JPH1: variants seen among roughly 807,000 people sequenced by gnomAD.
JPH1 encodes junctophilin 1.
In JPH1, 12 loss-of-function variants were observed where a neutral mutation model predicts 53.6. That is an observed-to-expected ratio of 0.22 (90% confidence interval 0.14 to 0.36). The LOEUF (loss-of-function observed/expected upper bound fraction) is 0.36, where lower values mean the gene tolerates loss of function less well. Ranked by LOEUF, JPH1 falls within the 10% of genes least tolerant of loss-of-function variation. JPH1 has a pLI of 1.00. For missense variants in JPH1, 808 were observed against 905.5 expected (o/e 0.89, Z 1.38); for synonymous variants, 375 against 363.8 (o/e 1.03, Z -0.35).
At chr8:74,257,060 G>A (rs16938838) in intron 3 of JPH1, among the ~76,000 whole-genome samples, 1,936 of 152,294 alleles carry the variant, frequency 0.013, 42 homozygotes, top group African/African-American at 0.044. Flanking sequence ...GCAAAGTGGA[G>A]AGCATGAGTT....
rs146685240 is a variant in JPH1 at position 74,286,168 on chromosome 8, C to T, written c.1140-26665G>A. On this transcript the variant is annotated intron_variant, in intron 2 of 5. Coordinates refer to ENST00000342232, the MANE Select transcript of JPH1 (RefSeq NM_020647.4). ...TATCCTACTCGGTCACCATAAACTCCCATTTCTCTTGACTGTCACCTTACA... is the reference window on the plus strand; with the variant it reads ...TATCCTACTCGGTCACCATAAACTCTCATTTCTCTTGACTGTCACCTTACA... Among the ~76,000 whole-genome samples, 88 of 152,312 alleles carry T rather than the reference C, an allele frequency of 5.8e-4. No homozygotes were observed. In the East Asian group the frequency reaches 0.015, roughly 25 times the overall value.
chr8:74,302,570 A>G (rs1807713543), intron 2 of JPH1, among the ~76,000 whole-genome samples: 1 of 152,176 alleles, frequency 6.6e-6, no homozygotes, highest in Non-Finnish European at 1.5e-5. Flanking sequence ...CATGCCTGCT[A>G]TGGAACTTGA....
At position 74,299,281 on chromosome 8, in the gene JPH1, T is replaced by C. The variant is rs532276400; in HGVS notation, c.1139+15580A>G. On this transcript the variant is annotated intron_variant, in intron 2 of 5. Transcript: ENST00000342232. The stretch of plus-strand genomic sequence containing the variant: ...CCTCGTCTTTCTAATATTTCTCCCT[T>C]TTTCTCATTATTCAGTATTTCTTTA... Among the ~76,000 whole-genome samples the C allele has an allele frequency of 9.8e-5, 15 of 152,302 alleles. No homozygotes were observed. In the South Asian group the frequency reaches 3.1e-3, roughly 32 times the overall value.
At chr8:74,309,775 A>C (rs1807936734) in intron 2 of JPH1, among the ~76,000 whole-genome samples, 1 of 152,216 alleles carries the variant, frequency 6.6e-6, no homozygotes, top group African/African-American at 2.4e-5. Context: ...AATAGAATGC[A>C]AACAACAGGA....
intron 4 of JPH1, among the ~76,000 whole-genome samples, chr8:74,242,468 G>A (rs961957669): frequency 1.3e-5 from 2 of 152,170 alleles, no homozygotes; most frequent in Non-Finnish European, 2.9e-5. Flanking sequence ...GATGTGAACC[G>A]AGGAAGTTCA....
At chr8:74,246,823 G>C (rs188021463) in intron 3 of JPH1, among the ~76,000 whole-genome samples, 1 of 152,278 alleles carries the variant, frequency 6.6e-6, no homozygotes, top group East Asian at 1.9e-4. Flanking sequence ...ATGGACAATT[G>C]AGACTTCCTT....
intron 2 of JPH1, among the ~76,000 whole-genome samples, chr8:74,265,826 G>C (rs1806515626): frequency 6.6e-6 from 1 of 151,860 alleles, no homozygotes. Flanking sequence ...AAACATTTCT[G>C]CAAAGAGACA....
At chr8:74,264,734 T>C (rs1158793980) in intron 2 of JPH1, among the ~76,000 whole-genome samples, 1 of 152,208 alleles carries the variant, frequency 6.6e-6, no homozygotes, top group African/African-American at 2.4e-5. Flanking sequence ...ATTATACAAA[T>C]GCATCCACAG....
chr8:74,303,797 T>C (rs1267941209), intron 2 of JPH1, among the ~76,000 whole-genome samples: 1 of 152,076 alleles, frequency 6.6e-6, no homozygotes, highest in African/African-American at 2.4e-5. Context: ...ACTGTCCCCA[T>C]TCCCTATACC....
intron 3 of JPH1, among the ~76,000 whole-genome samples, chr8:74,252,137 G>A (rs916976541): frequency 2.0e-5 from 3 of 152,116 alleles, no homozygotes; most frequent in Non-Finnish European, 2.9e-5. Flanking sequence ...AGCTGAAACT[G>A]GACCCCTTCC....
chr8:74,319,767 A>C (rs147990464), intron 1 of JPH1, among the ~76,000 whole-genome samples: 14 of 152,330 alleles, frequency 9.2e-5, no homozygotes, highest in African/African-American at 3.4e-4. Context: ...GCTTAATTCC[A>C]AAAAGTGATG....
intron 2 of JPH1, among the ~76,000 whole-genome samples, chr8:74,300,868 G>A (rs145589704): frequency 2.1e-3 from 314 of 152,262 alleles, no homozygotes; most frequent in African/African-American, 7.1e-3. Flanking sequence ...ATAAGAAAGA[G>A]AGACCCAGAA....
intron 2 of JPH1, among the ~76,000 whole-genome samples, chr8:74,280,346 A>G (rs1240838291): frequency 1.3e-5 from 2 of 152,226 alleles, no homozygotes; most frequent in Non-Finnish European, 2.9e-5. Context: ...GAGGTGGTGA[A>G]AACTTGGGGG....
At position 74,261,579 on chromosome 8, in the gene JPH1, C is replaced by A. The variant is rs530665944; in HGVS notation, c.1140-2076G>T. On this transcript the variant is annotated intron_variant, in intron 2 of 5. Coordinates refer to ENST00000342232, the MANE Select transcript of JPH1 (RefSeq NM_020647.4). ...CTTAAACAACTGGCTGTTGGAATAA[C>A]CCCTCATGGGTGCCATTGCTGAGGT... Among the ~76,000 whole-genome samples the A allele has an allele frequency of 1.8e-4, 27 of 152,234 alleles. 4 individuals carry two copies. Among genetic ancestry groups the A allele is most frequent in the African/African-American group, 6.5e-4 (27 of 41,538 alleles).
chr8:74,265,350 T>C (rs567721431), intron 2 of JPH1, among the ~76,000 whole-genome samples: 1 of 152,316 alleles, frequency 6.6e-6, no homozygotes, highest in East Asian at 1.9e-4. Context: ...AAGTACTTTA[T>C]AGACTTTATT....
At chr8:74,285,624 C>A (rs1313318207) in intron 2 of JPH1, among the ~76,000 whole-genome samples, 1 of 140,778 alleles carries the variant, frequency 7.1e-6, no homozygotes, top group Non-Finnish European at 1.6e-5. Context: ...TCTTCTTTAT[C>A]CCACCTAGTG....
chr8:74,282,438 A>G (rs924484314), intron 2 of JPH1, among the ~76,000 whole-genome samples: 1 of 152,210 alleles, frequency 6.6e-6, no homozygotes, highest in African/African-American at 2.4e-5. Context: ...TTTCTGTGCC[A>G]TTAGGATAGA....
chr8:74,274,185 T>C (rs1279838640), intron 2 of JPH1, among the ~76,000 whole-genome samples: 2 of 152,156 alleles, frequency 1.3e-5, no homozygotes, highest in Non-Finnish European at 2.9e-5. Context: ...CACTCCCCGC[T>C]TCCTAGGTGT....
chr8:74,300,708 A>T (rs1807655815), intron 2 of JPH1, among the ~76,000 whole-genome samples: 1 of 152,174 alleles, frequency 6.6e-6, no homozygotes, highest in African/African-American at 2.4e-5. Context: ...TTACTAACTG[A>T]ATAATTTCTA....
Sources: allele counts gnomAD v4.1 joint callset (sites outside exome capture counted in the v4.1 genomes callset), GRCh38; gene constraint gnomAD v4.1.1; transcripts MANE v1.5; gene names NCBI Gene and HGNC (gene_info 2026-07-23, HGNC 2026-07-21).